ZNF471: variants seen among roughly 807,000 people sequenced by gnomAD.
ZNF471 encodes EZFIT-related protein 1.
Under a neutral mutation model 13.7 loss-of-function variants are expected in ZNF471, and 7 were observed. That is an observed-to-expected ratio of 0.51 (90% CI 0.29 to 0.96). The LOEUF is 0.96. Ranked by LOEUF, ZNF471 falls within the 40% of genes least tolerant of loss-of-function variation. ZNF471 has a pLI of 0.08. For missense variants in ZNF471, 663 were observed against 743.3 expected, an observed-to-expected ratio of 0.89 and a Z score of 1.26; for synonymous variants, 218 against 235.6, an observed-to-expected ratio of 0.93 and a Z score of 0.68.
intron 1 of ZNF471, among the ~76,000 whole-genome samples, chr19:56,509,612 A>G (rs2043781636): frequency 6.6e-6 from 1 of 151,492 alleles, no homozygotes; most frequent in South Asian, 2.1e-4. Context: ...CCAGGTAGAT[A>G]GTGTCAGAAT....
At chr19:56,517,364 A>G (rs1441636628) in intron 3 of ZNF471, among the ~76,000 whole-genome samples, 1 of 141,432 alleles carries the variant, frequency 7.1e-6, no homozygotes, top group Non-Finnish European at 1.5e-5. Context: ...GTGCAGTGGC[A>G]CCATCTCGGC....
At position 56,524,972 on chromosome 19, in the gene ZNF471, C is replaced by T. The variant is rs1404021766; in HGVS notation, c.905C>T (p.Pro302Leu). 5 of 1,613,964 alleles carry T rather than the reference C, an allele frequency of 3.1e-6. No individual in the cohort carries two copies. Among genetic ancestry groups the T allele is most frequent in the Non-Finnish European group, 4.2e-6 (5 of 1,180,018 alleles). The change falls in exon 5 of 5, where the codon CCT (proline) becomes CTT (leucine). Residue 302 changes from proline to leucine, a missense_variant. By Grantham distance (98) the Pro-to-Leu change is moderately conservative (BLOSUM62 -3). Transcript: ENST00000308031. This position sits in a 1 kb window ranked among gnomAD's most constrained non-coding sequence, Gnocchi z 4.8. Reference sequence around the variant, plus strand: ...GAATGCAGAAAAGCCTTCAGACAGCCTGCACACCTTGCTCAGCATCAGAGA... The same window carrying T: ...GAATGCAGAAAAGCCTTCAGACAGCTTGCACACCTTGCTCAGCATCAGAGA... ...CKECRKAFRQ[P>L]AHLAQHQRIH... is the part of the protein sequence containing the mutation.
rs527966863 is a variant in ZNF471, at chr19:56,508,613, A to G, written c.-56+693A>G. On this transcript the variant is annotated intron_variant, in intron 1 of 4. Transcript: ENST00000308031. The surrounding 1 kb of genome is among the most constrained non-coding windows in gnomAD (Gnocchi z 4.7). ...TCGAGAGAGAGAAGAATCACCATGT[A>G]TGCGAGACTAGACTGTGCAAGAACA... Among the ~76,000 whole-genome samples the G allele has an allele frequency of 7.3e-4, 111 of 151,236 alleles. No individual in the cohort carries two copies. Among genetic ancestry groups the G allele is most frequent in the African/African-American group, 2.5e-3 (101 of 41,080 alleles).
In ZNF471 at chr19:56,508,229, C is replaced by G. The variant is rs1162883148; in HGVS notation, c.-56+309C>G. 4 of 805,162 alleles carry G rather than the reference C, an allele frequency of 5.0e-6. No individual in the cohort carries two copies. Among genetic ancestry groups the G allele is most frequent in the African/African-American group, 4.0e-5 (2 of 49,710 alleles). The allele number at this position is 805,162 out of a possible 1,614,324, so 49.9% of individuals were successfully genotyped here. On this transcript the variant is annotated intron_variant, in intron 1 of 4. Transcript: ENST00000308031. The surrounding 1 kb of genome is among the most constrained non-coding windows in gnomAD (Gnocchi z 4.7). ...GAGGCTCCGTGAGAGGGTGTGGTTT[C>G]TGTGTGTGTGTGTGTGTGTGTGTGA... is the stretch of plus-strand genomic sequence containing the variant.
chr19:56,516,486 G>A lies in ZNF471; in HGVS notation c.160+85G>A. 2 of 1,266,552 alleles carry A rather than the reference G, an allele frequency of 1.6e-6. No individual in the cohort carries two copies. The highest frequency in any genetic ancestry group is 1.6e-5 in the South Asian group (1 of 64,312). The allele number at this position is 1,266,552 out of a possible 1,614,324, so 78.5% of individuals were successfully genotyped here. A position where few individuals can be genotyped will look rare whatever the true frequency, so the allele number is the denominator to read the frequency against. On this transcript the variant is annotated intron_variant, in intron 3 of 4. Coordinates refer to ENST00000308031, the MANE Select transcript of ZNF471 (RefSeq NM_020813.4). The surrounding 1 kb of genome is among the most constrained non-coding windows in gnomAD (Gnocchi z 4.4). Reference sequence around the variant, plus strand: ...ATTAAATTTGCTTTTATTATATGTAGGTCAGAATGGAATTTGGGAATGGAA... The same window carrying A: ...ATTAAATTTGCTTTTATTATATGTAAGTCAGAATGGAATTTGGGAATGGAA...
rs1386297000 is a variant in ZNF471 at position 56,525,733 on chromosome 19, TC to T, written c.1668del (p.Asn557IlefsTer58). ...NECGKAFSQT[S>X]NLTQHQRIHT... Reference sequence around the variant, plus strand: ...ATGCGGGAAAGCCTTCAGCCAAACTTCCAATCTTACTCAACATCAAAGAATT... The same window carrying T: ...ATGCGGGAAAGCCTTCAGCCAAACTTCAATCTTACTCAACATCAAAGAATT... On this transcript the variant is annotated frameshift_variant, in exon 5 of 5. Transcript: ENST00000308031. LOFTEE classifies it low-confidence loss of function (END_TRUNC). 1.9e-6 allele frequency: 3 copies of T among 1,613,654 alleles called. No homozygotes were observed. In the Admixed American group the frequency reaches 5.0e-5, roughly 27 times the overall value.
Position 56,525,877 on chromosome 19 carries a change from T to C in ZNF471, c.1810T>C (p.Cys604Arg). The C allele has an allele frequency of 1.3e-6, 2 of 1,598,800 alleles. No homozygotes were observed. The highest frequency in any genetic ancestry group is 1.1e-5 in the South Asian group (1 of 88,202). ...TGQRPYQCFE[C>R]GKAFRRKLSL... ...CCAAAGGCCCTATCAGTGTTTTGAA[T>C]GTGGGAAGGCGTTCAGAAGAAAGTT... Residue 604 changes from cysteine to arginine, a missense_variant, in exon 5 of 5, where the codon TGT becomes CGT. Coordinates refer to ENST00000308031, the MANE Select transcript of ZNF471 (RefSeq NM_020813.4).
intron 4 of ZNF471, among the ~76,000 whole-genome samples, chr19:56,521,739 A>C (rs2043977134): frequency 6.6e-6 from 1 of 151,482 alleles, no homozygotes; most frequent in Non-Finnish European, 1.5e-5. Flanking sequence ...TTGGTTCAGC[A>C]GGAGTTCCAG....
In ZNF471 at chr19:56,525,187, C is replaced by T. The variant is rs374399468; in HGVS notation, c.1120C>T (p.Pro374Ser). ...HWRSYHTGEK[P>S]FNCIDCGKAF... ...GAGGAGTTATCATACTGGAGAGAAGCCTTTTAATTGCATTGATTGTGGGAA... is the reference window on the plus strand; with the variant it reads ...GAGGAGTTATCATACTGGAGAGAAGTCTTTTAATTGCATTGATTGTGGGAA... Residue 374 changes from proline (P) to serine (S), a missense_variant, in exon 5 of 5, where the codon CCT (proline) becomes TCT (serine). Pro to Ser is a moderately conservative substitution (Grantham distance 74). Coordinates refer to ENST00000308031, the MANE Select transcript of ZNF471 (RefSeq NM_020813.4). The T allele has an allele frequency of 5.6e-6, 9 of 1,614,026 alleles. No individual in the cohort carries two copies. The Admixed American group carries it at 1.3e-4, about 24-fold the overall frequency.
At chr19:56,521,364 C>T (rs1600518257) in intron 4 of ZNF471, among the ~76,000 whole-genome samples, 1 of 152,076 alleles carries the variant, frequency 6.6e-6, no homozygotes, top group Non-Finnish European at 1.5e-5. Flanking sequence ...TCTGGCTAGG[C>T]GTGGTGGCTC....
In ZNF471 at chr19:56,528,146, A is replaced by G. The variant is rs2044069675; in HGVS notation, c.*2198A>G. Reference sequence around the variant, plus strand: ...ACATTCAATGGGTTGCATACCCATGAATTCTAAAACTTCATCCTCTTTTGT... The same window carrying G: ...ACATTCAATGGGTTGCATACCCATGGATTCTAAAACTTCATCCTCTTTTGT... On this transcript the variant is annotated 3_prime_UTR_variant, in exon 5 of 5. Coordinates refer to ENST00000308031, the MANE Select transcript of ZNF471 (RefSeq NM_020813.4). The G allele has an allele frequency of 6.6e-6, 1 of 152,214 alleles. No homozygotes were observed. Among genetic ancestry groups the G allele is most frequent in the African/African-American group, 2.4e-5 (1 of 41,456 alleles). 9.4% of individuals were successfully genotyped at this position (152,214 alleles called of 1,614,324 possible).
In ZNF471 at chr19:56,526,112, C is replaced by G. The variant is rs563386703; in HGVS notation, c.*164C>G. 3 of 633,238 alleles carry G rather than the reference C, an allele frequency of 4.7e-6. No individual in the cohort carries two copies. The highest frequency in any genetic ancestry group is 1.8e-5 in the African/African-American group (1 of 54,660). 39.2% of individuals were successfully genotyped at this position (633,238 alleles called of 1,614,324 possible). On this transcript the variant is annotated 3_prime_UTR_variant, in exon 5 of 5. Transcript: ENST00000308031. ...TAGGAACAGCTCTGATCTGCAGTTC[C>G]CAGTGAGATCAACGCAGAAGGTGGG...
Position 56,507,858 on chromosome 19 carries a change from G to T in ZNF471, c.-118G>T. 4.1e-6 allele frequency: 4 copies of T among 985,674 alleles called. No homozygotes were observed. The highest frequency in any genetic ancestry group is 4.7e-5 in the South Asian group (1 of 21,304). The allele number at this position is 985,674 out of a possible 1,614,324, so 61.1% of individuals were successfully genotyped here. On this transcript the variant is annotated 5_prime_UTR_variant, in exon 1 of 5. Coordinates refer to ENST00000308031, the MANE Select transcript of ZNF471 (RefSeq NM_020813.4). ...GAGGCTGGCGCCTGCGCGATGGGGG[G>T]TTCCAGCGTCGACTCACGGAGTCCT...
At position 56,525,560 on chromosome 19, in the gene ZNF471, T is replaced by G; in HGVS notation, c.1493T>G (p.Ile498Ser). 1 of 1,613,744 alleles carries G rather than the reference T, an allele frequency of 6.2e-7. No homozygotes were observed. Among genetic ancestry groups the G allele is most frequent in the Non-Finnish European group, 8.5e-7 (1 of 1,179,922 alleles). ...ECKECGKAFRISSQLATHQRI... is the reference protein window; with the variant it reads ...ECKECGKAFRSSSQLATHQRI... ...AAAGAATGTGGAAAAGCTTTTAGAA[T>G]CAGTTCACAGCTGGCTACTCATCAG... Residue 498 changes from isoleucine (I) to serine (S), a missense_variant, in exon 5 of 5, where the codon ATC (isoleucine) becomes AGC (serine). By Grantham distance (142) the Ile-to-Ser change is moderately radical (BLOSUM62 -2). Transcript: ENST00000308031.
chr19:56,510,890 G>A lies in ZNF471; in HGVS notation c.-55-627G>A. 1 of 985,556 alleles carries A rather than the reference G, an allele frequency of 1.0e-6. No homozygotes were observed. The highest frequency in any genetic ancestry group is 1.7e-5 in the African/African-American group (1 of 57,334). The allele number at this position is 985,556 out of a possible 1,614,324, so 61.1% of individuals were successfully genotyped here. A position where few individuals can be genotyped will look rare whatever the true frequency, so the allele number is the denominator to read the frequency against. ...AAGCAGGAGACACCCTCACTTCTGT[G>A]TGACAGGAGGGTAATTAAGGGGCTG... On this transcript the variant is annotated intron_variant, in intron 1 of 4. Coordinates refer to ENST00000308031, the MANE Select transcript of ZNF471 (RefSeq NM_020813.4). This position sits in a 1 kb window ranked among gnomAD's most constrained non-coding sequence, Gnocchi z 4.3.
chr19:56,518,046 G>A (rs2043918264), intron 3 of ZNF471, among the ~76,000 whole-genome samples: 1 of 151,980 alleles, frequency 6.6e-6, no homozygotes, highest in Non-Finnish European at 1.5e-5. Context: ...TAATGGGCAT[G>A]ATTCACTTTT....
At chr19:56,514,249 G>C (rs1418481774) in intron 2 of ZNF471, among the ~76,000 whole-genome samples, 1 of 151,602 alleles carries the variant, frequency 6.6e-6, no homozygotes, top group African/African-American at 2.4e-5. Flanking sequence ...TTTGGTAGAG[G>C]TGGGGTTTTG....
At position 56,529,845 on chromosome 19, in the gene ZNF471, G is replaced by T. The variant is rs2044088240; in HGVS notation, c.*3897G>T. Reference sequence around the variant, plus strand: ...AAACCGTATTTTCAAATATTGAGAGGGTAAATTAGAGGAAAGCCATTTTAG... The same window carrying T: ...AAACCGTATTTTCAAATATTGAGAGTGTAAATTAGAGGAAAGCCATTTTAG... On this transcript the variant is annotated 3_prime_UTR_variant, in exon 5 of 5. Coordinates refer to ENST00000308031, the MANE Select transcript of ZNF471 (RefSeq NM_020813.4). 1 of 151,994 alleles carries T rather than the reference G, an allele frequency of 6.6e-6. No homozygotes were observed. The highest frequency in any genetic ancestry group is 2.1e-4 in the South Asian group (1 of 4,820). 9.4% of individuals were successfully genotyped at this position (151,994 alleles called of 1,614,324 possible).
rs1277307236 is a variant in ZNF471 at position 56,527,240 on chromosome 19, G to A, written c.*1292G>A. 1 of 153,472 alleles carries A rather than the reference G, an allele frequency of 6.5e-6. No homozygotes were observed. Among genetic ancestry groups the A allele is most frequent in the Non-Finnish European group, 1.4e-5 (1 of 69,130 alleles). The allele number at this position is 153,472 out of a possible 1,614,324, so 9.5% of individuals were successfully genotyped here. A position where few individuals can be genotyped will look rare whatever the true frequency, so the allele number is the denominator to read the frequency against. On this transcript the variant is annotated 3_prime_UTR_variant, in exon 5 of 5. Coordinates refer to ENST00000308031, the MANE Select transcript of ZNF471 (RefSeq NM_020813.4). ...AACTCCAGCAGACCTGCAGCCGAGG[G>A]GCCTCACTGTTAGAAGGAAAACTAA...
Sources: allele counts gnomAD v4.1 joint callset (sites outside exome capture counted in the v4.1 genomes callset), GRCh38; gene constraint gnomAD v4.1.1; non-coding constraint Gnocchi (gnomAD v3.1); transcripts MANE v1.5; gene names NCBI Gene and HGNC (gene_info 2026-07-23, HGNC 2026-07-21).